CEACAM3: variants seen among roughly 807,000 people sequenced by gnomAD.
CEACAM3 encodes the protein CEA cell adhesion molecule 3, also known as cell adhesion molecule CEACAM3.
In CEACAM3, 32 loss-of-function variants were observed where a neutral mutation model predicts 30.1. The ratio of observed to expected loss-of-function variants is 1.06; its 90% CI spans 0.80 to 1.43. CEACAM3 has a LOEUF of 1.43. Among genes scored for constraint, CEACAM3 ranks in the 40% most tolerant of loss-of-function variants. CEACAM3 has a pLI of 0.00. For synonymous variants in CEACAM3, 134 were observed against 127.2 expected (o/e 1.05, Z -0.36); for missense variants, 290 against 316.3 (o/e 0.92, Z 0.63).
At chr19:41,807,560 G>A in intron 2 of CEACAM3, 1 of 1,290,132 alleles carries the variant, frequency 7.8e-7, no homozygotes, top group South Asian at 1.4e-5. Flanking sequence ...AATAGGAGGG[G>A]AGAGGCTGCT....
intron 2 of CEACAM3, among the ~76,000 whole-genome samples, chr19:41,800,478 G>C (rs1272205374): frequency 6.6e-6 from 1 of 152,156 alleles, no homozygotes. Context: ...TGGAGGGCCA[G>C]ACACCAGTCA....
In CEACAM3 at chr19:41,811,066, C is replaced by A. The variant is rs1467262346; in HGVS notation, c.694-106C>A. ...GGGAGCAGGAACCCCCTGAGCACAG[C>A]CAGGTTCAGCCCCAGAGCAGCCCTG... is the stretch of plus-strand genomic sequence containing the variant. On this transcript the variant is annotated intron_variant, in intron 6 of 6. Transcript: ENST00000357396. The A allele has an allele frequency of 3.0e-6, 4 of 1,346,248 alleles. No individual in the cohort carries two copies. In the African/African-American group the frequency reaches 4.3e-5, roughly 15 times the overall value. The allele number at this position is 1,346,248 out of a possible 1,614,324, so 83.4% of individuals were successfully genotyped here. A position where few individuals can be genotyped will look rare whatever the true frequency, so the allele number is the denominator to read the frequency against.
intron 3 of CEACAM3, 24 bp downstream of exon 3, chr19:41,808,954 T>G: frequency 6.6e-7 from 1 of 1,503,978 alleles, no homozygotes; most frequent in African/African-American, 1.4e-5. Flanking sequence ...TTCCCATCCT[T>G]CTCCCACCCC....
Position 41,797,962 on chromosome 19 carries a change from CAT to C in CEACAM3, c.424+15_424+16del. On this transcript the variant is annotated intron_variant, in intron 2 of 6. Transcript: ENST00000357396. ...TCCATGTATACCGTGAGTATTTCCACATGACCTCTGGGTGTTGGGGGTCAGTT... is the reference window on the plus strand; with the variant it reads ...TCCATGTATACCGTGAGTATTTCCACGACCTCTGGGTGTTGGGGGTCAGTT... 1 of 1,584,262 alleles carries C rather than the reference CAT, an allele frequency of 6.3e-7. No homozygotes were observed. Among genetic ancestry groups the C allele is most frequent in the Admixed American group, 1.7e-5 (1 of 57,870 alleles).
Position 41,798,987 on chromosome 19 carries a change from G to A in CEACAM3, c.424+1039G>A, listed in dbSNP as rs576353616. ...TCTTCTCCACCAGGGGACGGCTGGCGTTATTATTAGACATCTGCAGGCCTG... is the reference window on the plus strand; with the variant it reads ...TCTTCTCCACCAGGGGACGGCTGGCATTATTATTAGACATCTGCAGGCCTG... On this transcript the variant is annotated intron_variant, in intron 2 of 6. Transcript: ENST00000357396. Among the ~76,000 whole-genome samples the A allele has an allele frequency of 8.8e-4, 134 of 152,302 alleles. 1 individual carries two copies. The highest frequency in any genetic ancestry group is 2.6e-3 in the African/African-American group (106 of 41,562).
rs782154950 is a variant in CEACAM3, at chr19:41,797,953, G to C, written c.424+5G>C. ...CTGGACAGTTCCATGTATACCGTGA[G>C]TATTTCCACATGACCTCTGGGTGTT... On this transcript the variant is annotated splice_donor_5th_base_variant and intron_variant, in intron 2 of 6. Coordinates refer to ENST00000357396, the MANE Select transcript of CEACAM3 (RefSeq NM_001815.5). 1 of 1,590,656 alleles carries C rather than the reference G, an allele frequency of 6.3e-7. No individual in the cohort carries two copies. Among genetic ancestry groups the C allele is most frequent in the South Asian group, 1.2e-5 (1 of 86,848 alleles).
Position 41,810,257 on chromosome 19 carries a change from C to T in CEACAM3, c.596-66C>T, listed in dbSNP as rs112654786. On this transcript the variant is annotated intron_variant, in intron 4 of 6. Transcript: ENST00000357396. ...GTATCTTAGAGCTGAGGACCCCCTACGCCTTCCTGGAGAGGGGATAAGGCT... is the reference window on the plus strand; with the variant it reads ...GTATCTTAGAGCTGAGGACCCCCTATGCCTTCCTGGAGAGGGGATAAGGCT... 345 of 1,554,292 alleles carry T rather than the reference C, an allele frequency of 2.2e-4. 5 individuals are homozygous for T. In the East Asian group the frequency reaches 2.4e-3, roughly 11 times the overall value.
At chr19:41,798,123 T>A in intron 2 of CEACAM3, 175 bp downstream of exon 2, 1 of 1,152,986 alleles carries the variant, frequency 8.7e-7, no homozygotes, top group Non-Finnish European at 1.2e-6. Context: ...TCAGAATTCC[T>A]TTCCTGCATC....
Position 41,796,701 on chromosome 19 carries a change from C to T in CEACAM3, c.24C>T (p.Pro8=). ...CCATGGGGCCCCCCTCAGCCTCTCC[C>T]CACAGAGAATGCATCCCCTGGCAGG... MGPPSAS[P]HRECIPWQGL... is the part of the protein sequence containing the mutation. The change falls in exon 1 of 7, where the codon CCC becomes CCT. Residue 8 remains proline, a synonymous_variant. Transcript: ENST00000357396. 1 of 1,613,966 alleles carries T rather than the reference C, an allele frequency of 6.2e-7. No individual in the cohort carries two copies. Among genetic ancestry groups the T allele is most frequent in the Non-Finnish European group, 8.5e-7 (1 of 1,179,924 alleles).
chr19:41,796,774 G>A (rs781972766), intron 1 of CEACAM3, 33 bp downstream of exon 1: 2 of 1,598,530 alleles, frequency 1.3e-6, no homozygotes, highest in South Asian at 2.2e-5. Flanking sequence ...TGGGCAAGAG[G>A]AGGGATCACA....
At chr19:41,800,962 A>G (rs1280805512) in intron 2 of CEACAM3, among the ~76,000 whole-genome samples, 1 of 151,722 alleles carries the variant, frequency 6.6e-6, no homozygotes. Context: ...ACATGGGGAG[A>G]GACCCACCGA....
At chr19:41,796,806 G>A in intron 1 of CEACAM3, 65 bp downstream of exon 1, 1 of 1,532,082 alleles carries the variant, frequency 6.5e-7, no homozygotes. Context: ...GGGTCTCCTG[G>A]GGAGGATGGG....
At chr19:41,803,280 TA>T (rs1181025444) in intron 2 of CEACAM3, among the ~76,000 whole-genome samples, 12 of 152,084 alleles carry the variant, frequency 7.9e-5, no homozygotes, top group African/African-American at 2.4e-4. Flanking sequence ...ATGCTAGAGA[TA>T]AAAAAAGAAA....
At chr19:41,797,135 T>C (rs1555825314) in intron 1 of CEACAM3, 1 of 239,086 alleles carries the variant, frequency 4.2e-6, no homozygotes, top group South Asian at 8.2e-5. Context: ...TTTTAGGCAC[T>C]GGCGTACAAC....
At chr19:41,802,168 G>A (rs1232061993) in intron 2 of CEACAM3, among the ~76,000 whole-genome samples, 1 of 152,156 alleles carries the variant, frequency 6.6e-6, no homozygotes, top group African/African-American at 2.4e-5. Context: ...GGCAAGAGGA[G>A]AGGTCTGCAG....
chr19:41,798,497 G>A (rs1270249786), intron 2 of CEACAM3, among the ~76,000 whole-genome samples: 12 of 152,124 alleles, frequency 7.9e-5, no homozygotes, highest in African/African-American at 2.9e-4. Context: ...CACCAGCCAG[G>A]GTCCAGCCCC....
intron 2 of CEACAM3, among the ~76,000 whole-genome samples, chr19:41,804,280 A>ACC (rs1555675092): frequency 0.5 from 75,296 of 151,792 alleles, 21,259 homozygotes; most frequent in Middle Eastern, 0.73. Context: ...TTCCACACAC[A>ACC]TGTGTCCCTC....
chr19:41,809,065 C>G, intron 3 of CEACAM3, 135 bp downstream of exon 3: 1 of 647,124 alleles, frequency 1.5e-6, no homozygotes. Flanking sequence ...CCTCTTATTC[C>G]ACGGCTCCTC....
rs1555825379 is a variant in CEACAM3 at position 41,797,647 on chromosome 19, G to A, written c.123G>A (p.Met41Ile). 5 of 1,614,008 alleles carry A rather than the reference G, an allele frequency of 3.1e-6. No individual in the cohort carries two copies. The highest frequency in any genetic ancestry group is 4.2e-6 in the Non-Finnish European group (5 of 1,180,038). Residue 41 changes from methionine to isoleucine, a missense_variant, in exon 2 of 7, where the codon ATG becomes ATA. By Grantham distance (10) the Met-to-Ile change is conservative. Coordinates refer to ENST00000357396, the MANE Select transcript of CEACAM3 (RefSeq NM_001815.5). Reference sequence around the variant, plus strand: ...CTGCCAAGCTCACTATTGAATCCATGCCGCTCAGTGTCGCAGAGGGGAAGG... The same window carrying A: ...CTGCCAAGCTCACTATTGAATCCATACCGCTCAGTGTCGCAGAGGGGAAGG... ...PTTAKLTIES[M>I]PLSVAEGKEV...
Sources: allele counts gnomAD v4.1 joint callset (sites outside exome capture counted in the v4.1 genomes callset), GRCh38; gene constraint gnomAD v4.1.1; transcripts MANE v1.5; gene names NCBI Gene and HGNC (gene_info 2026-07-23, HGNC 2026-07-21).